The following KCNK2 variants were observed in gnomAD, a reference collection of about 807,000 sequenced individuals.
The protein encoded by KCNK2 is potassium two pore domain channel subfamily K member 2.
KCNK2 carries 21 observed loss-of-function variants against 40.5 expected under a neutral mutation model. That is an observed-to-expected ratio of 0.52 (90% CI 0.37 to 0.75). KCNK2 has a LOEUF of 0.75. KCNK2 is among the 30% of genes least tolerant of loss of function. The probability of loss-of-function intolerance (pLI) is 0.00; values close to 1 mark genes in which losing one functional copy is unlikely to be tolerated. For synonymous variants in KCNK2, 191 were observed against 202.2 expected (o/e 0.94, Z 0.47); for missense variants, 399 against 531.6 (o/e 0.75, Z 2.45).
chr1:215,236,312 G>T lies in KCNK2; in HGVS notation c.*1167G>T, dbSNP rs975375956. 17 of 152,660 alleles carry T rather than the reference G, an allele frequency of 1.1e-4. No individual in the cohort carries two copies. Among genetic ancestry groups the T allele is most frequent in the African/African-American group, 4.1e-4 (17 of 41,566 alleles). 9.5% of individuals were successfully genotyped at this position (152,660 alleles called of 1,614,324 possible). A position where few individuals can be genotyped will look rare whatever the true frequency, so the allele number is the denominator to read the frequency against. On this transcript the variant is annotated 3_prime_UTR_variant, in exon 7 of 7. Transcript: ENST00000444842. ...TCGTTGGGTGACTTTTGCCAGATGAGAGGAGGTGGCACAGTGGTGAGTGCA... is the reference window on the plus strand; with the variant it reads ...TCGTTGGGTGACTTTTGCCAGATGATAGGAGGTGGCACAGTGGTGAGTGCA...
chr1:215,216,915 C>A (rs1419671537), intron 6 of KCNK2, among the ~76,000 whole-genome samples: 3 of 152,114 alleles, frequency 2.0e-5, no homozygotes, highest in African/African-American at 4.8e-5. Flanking sequence ...CTGGCAGTAA[C>A]CTGTCTTAAA....
intron 2 of KCNK2, among the ~76,000 whole-genome samples, chr1:215,093,745 A>ATT (rs1553261602): frequency 1.3e-5 from 1 of 78,308 alleles, no homozygotes; most frequent in African/African-American, 5.4e-5. Context: ...ATAATATAAA[A>ATT]ATATATTATA....
At chr1:215,034,163 G>T (rs925410449) in intron 1 of KCNK2, among the ~76,000 whole-genome samples, 1 of 152,068 alleles carries the variant, frequency 6.6e-6, no homozygotes, top group African/African-American at 2.4e-5. Flanking sequence ...AGTTTATTCA[G>T]CTTTTTACTA....
At chr1:215,042,218 A>G (rs1434408388) in intron 1 of KCNK2, among the ~76,000 whole-genome samples, 1 of 152,174 alleles carries the variant, frequency 6.6e-6, no homozygotes, top group African/African-American at 2.4e-5. Flanking sequence ...CACAGATAGG[A>G]CATAAGATCA....
In KCNK2 at chr1:215,051,104, G is replaced by T. The variant is rs115644566; in HGVS notation, c.35-35264G>T. On this transcript the variant is annotated intron_variant, in intron 1 of 6. Transcript: ENST00000391895. The stretch of plus-strand genomic sequence containing the variant: ...TTTATTTTGTAGACAGGGCCTTGTT[G>T]CCCATGCTGGAGGATAGTGGCCATT... Among the ~76,000 whole-genome samples the T allele has an allele frequency of 3.7e-3, 556 of 152,192 alleles. 6 individuals carry two copies. Among genetic ancestry groups the T allele is most frequent in the African/African-American group, 0.013 (529 of 41,522 alleles).
chr1:215,168,496 A>G (rs1663549633), intron 3 of KCNK2, among the ~76,000 whole-genome samples: 1 of 152,238 alleles, frequency 6.6e-6, no homozygotes, highest in African/African-American at 2.4e-5. Flanking sequence ...AATGTGGTAC[A>G]TATACACCAT....
At chr1:215,193,162 T>C (rs1664735937) in intron 5 of KCNK2, among the ~76,000 whole-genome samples, 1 of 152,150 alleles carries the variant, frequency 6.6e-6, no homozygotes, top group African/African-American at 2.4e-5. Context: ...ATTTTTAATA[T>C]ATACCTGCAA....
intron 3 of KCNK2, among the ~76,000 whole-genome samples, chr1:215,150,364 A>C (rs565681196): frequency 6.6e-6 from 1 of 152,298 alleles, no homozygotes; most frequent in Admixed American, 6.5e-5. Context: ...GTTTTCACAT[A>C]GGGTGAATTT....
At position 215,014,450 on chromosome 1, in the gene KCNK2, C is replaced by A. The variant is rs767374497; in HGVS notation, c.34+8495C>A. On this transcript the variant is annotated intron_variant, in intron 1 of 6. Coordinates refer to the KCNK2 transcript ENST00000391895. ...AATGTCAAAAATTCTCAATTTAAGG[C>A]TCTCAGAATATACTGATGGTATTGT... 1.6e-4 allele frequency among the ~76,000 whole-genome samples: 25 copies of A among 151,716 alleles called. No individual in the cohort carries two copies. In the East Asian group the frequency reaches 4.9e-3, roughly 30 times the overall value.
rs1571891293 is a variant in KCNK2 at position 215,082,920 on chromosome 1, G to T, written c.-466G>T. On this transcript the variant is annotated 5_prime_UTR_variant, in exon 1 of 7. Transcript: ENST00000444842. ...GGCTCGCGCACAAAGACGCCGGGGC[G>T]CACGGCAGCTGGGGCTGCACCCACC... Among the ~76,000 whole-genome samples the T allele has an allele frequency of 2.0e-5, 3 of 150,922 alleles. No homozygotes were observed. The highest frequency in any genetic ancestry group is 6.6e-5 in the Admixed American group (1 of 15,130).
intron 6 of KCNK2, among the ~76,000 whole-genome samples, chr1:215,202,426 G>A (rs1018803153): frequency 1.3e-5 from 2 of 152,168 alleles, no homozygotes; most frequent in African/African-American, 2.4e-5. Context: ...AATTGGAGAG[G>A]AGAATAAAAC....
Position 215,034,066 on chromosome 1 carries a change from CTTG to C in KCNK2, c.34+28117_34+28119del, listed in dbSNP as rs199786196. On this transcript the variant is annotated intron_variant, in intron 1 of 6. Transcript: ENST00000391895. The stretch of plus-strand genomic sequence containing the variant: ...AGTGAGTTGCCCTTCTTTGTATTCT[CTTG>C]TTGTTCTCTCCAATTTAGGGGGAAT... Among the ~76,000 whole-genome samples the C allele has an allele frequency of 2.0e-5, 3 of 152,260 alleles. No individual in the cohort carries two copies. In the East Asian group the frequency reaches 5.8e-4, roughly 29 times the overall value.
chr1:215,160,948 C>T (rs1401002968), intron 3 of KCNK2, among the ~76,000 whole-genome samples: 7 of 152,116 alleles, frequency 4.6e-5, no homozygotes, highest in African/African-American at 1.7e-4. Context: ...TCTTACCTTC[C>T]TTGATCCTAC....
intron 6 of KCNK2, among the ~76,000 whole-genome samples, chr1:215,228,325 G>A (rs149128349): frequency 1.1e-4 from 17 of 152,292 alleles, no homozygotes; most frequent in African/African-American, 3.8e-4. Flanking sequence ...GGGAGGGACG[G>A]AGCAGTGCCA....
intron 6 of KCNK2, among the ~76,000 whole-genome samples, chr1:215,228,610 T>A (rs1479445768): frequency 1.3e-5 from 2 of 152,116 alleles, no homozygotes; most frequent in South Asian, 4.1e-4. Context: ...CTTTTTGTCC[T>A]CAGCTTGGTT....
intron 1 of KCNK2, among the ~76,000 whole-genome samples, chr1:215,049,926 T>C (rs1657923248): frequency 6.6e-6 from 1 of 152,174 alleles, no homozygotes. Context: ...GGTCTTCATA[T>C]CAGGTAGAGT....
chr1:215,014,112 A>G (rs1003685762), intron 1 of KCNK2, among the ~76,000 whole-genome samples: 2 of 152,048 alleles, frequency 1.3e-5, no homozygotes, highest in Non-Finnish European at 2.9e-5. Flanking sequence ...GAGAGTGTTT[A>G]TTATAGATGA....
chr1:215,139,021 G>A (rs987768197), intron 3 of KCNK2, among the ~76,000 whole-genome samples: 4 of 152,092 alleles, frequency 2.6e-5, no homozygotes, highest in Non-Finnish European at 5.9e-5. Context: ...CAAATAGTGA[G>A]GAATTAATAG....
intron 1 of KCNK2, among the ~76,000 whole-genome samples, chr1:215,007,664 A>G (rs969078526): frequency 2.6e-5 from 4 of 152,120 alleles, no homozygotes; most frequent in African/African-American, 9.7e-5. Context: ...AAAATGCTGT[A>G]TATGTGATTT....
Sources: gnomAD v4.1 joint callset for allele counts (sites outside exome capture counted in the v4.1 genomes callset) on GRCh38, gnomAD v4.1.1 for gene constraint, MANE v1.5 for transcripts, NCBI Gene and HGNC (gene_info 2026-07-23, HGNC 2026-07-21) for gene names.